Variants in VSIG10L2 observed in about 807,000 individuals in gnomAD.
VSIG10L2 encodes the protein V-set and immunoglobulin domain containing 10 like 2, also known as V-set and immunoglobulin domain-containing protein 10-like 2.
Under a neutral mutation model 67.1 loss-of-function variants are expected in VSIG10L2, and 56 were observed. The observed-to-expected ratio is 0.83, with a 90% CI of 0.67 to 1.04. The LOEUF (loss-of-function observed/expected upper bound fraction) is 1.04, where lower values mean the gene tolerates loss of function less well. Ranked by LOEUF, VSIG10L2 falls within the 50% of genes least tolerant of loss-of-function variation. The probability of loss-of-function intolerance (pLI) is 0.00; values close to 1 mark genes in which losing one functional copy is unlikely to be tolerated. For missense variants in VSIG10L2, 843 were observed against 932.8 expected (o/e 0.90, Z 1.25); for synonymous variants, 360 against 396.6 (o/e 0.91, Z 1.10).
chr11:125,955,509 G>A lies in VSIG10L2; in HGVS notation c.2231+3G>A, dbSNP rs1945451166. On this transcript the variant is annotated splice_donor_region_variant and intron_variant, in intron 10 of 11. Transcript: ENST00000686984. ...CTTGGTCAATTGCTTGTTCCCACGT[G>A]AGTGTGGAACCCCAGTCATCCTGGG... is the stretch of plus-strand genomic sequence containing the variant. 6 of 986,466 alleles carry A rather than the reference G, an allele frequency of 6.1e-6. No homozygotes were observed. The highest frequency in any genetic ancestry group is 4.3e-5 in the South Asian group (3 of 69,506). The allele number at this position is 986,466 out of a possible 1,614,324, so 61.1% of individuals were successfully genotyped here. A position where few individuals can be genotyped will look rare whatever the true frequency, so the allele number is the denominator to read the frequency against.
rs541228786 is a variant in VSIG10L2 at position 125,948,603 on chromosome 11, G to A, written c.709+23G>A. On this transcript the variant is annotated intron_variant, in intron 3 of 11. Coordinates refer to ENST00000686984, the MANE Select transcript of VSIG10L2 (RefSeq NM_001365077.2). ...TTTGTGAGTCAGACTGTGGTGGGGG[G>A]GCTGTCAGGGCTGACACCCATCTCC... 645 of 1,231,956 alleles carry A rather than the reference G, an allele frequency of 5.2e-4. 3 individuals carry two copies. In the African/African-American group the frequency reaches 8.3e-3, roughly 16 times the overall value. The allele number at this position is 1,231,956 out of a possible 1,614,324, so 76.3% of individuals were successfully genotyped here.
intron 8 of VSIG10L2, among the ~76,000 whole-genome samples, 184 bp from the exon 9 acceptor site, chr11:125,954,873 C>G (rs970035171): frequency 3.9e-5 from 6 of 152,190 alleles, no homozygotes; most frequent in East Asian, 1.9e-4. Context: ...ACTAGGCAGA[C>G]AGAGCGCCGC....
intron 3 of VSIG10L2, among the ~76,000 whole-genome samples, chr11:125,949,098 C>T (rs1945331201): frequency 6.6e-6 from 1 of 152,190 alleles, no homozygotes; most frequent in South Asian, 2.1e-4. Context: ...GTGCTGTAGG[C>T]ATGGAAGGCA....
Position 125,955,136 on chromosome 11 carries a change from A to G in VSIG10L2, c.2163A>G (p.Leu721=). The part of the protein sequence containing the change: ...TGMVVATVAS[L]LVFQYAARHP... ...TGGTGGTAGCAACGGTGGCCTCTCT[A>G]CTGGTGTTCCAGTATGCTGCCCGGC... The change falls in exon 9 of 12, where the codon CTA becomes CTG. Residue 721 remains leucine, a synonymous_variant. Transcript: ENST00000686984. 2 of 1,245,888 alleles carry G rather than the reference A, an allele frequency of 1.6e-6. No homozygotes were observed. Among genetic ancestry groups the G allele is most frequent in the East Asian group, 3.1e-5 (1 of 32,176 alleles). The allele number at this position is 1,245,888 out of a possible 1,614,324, so 77.2% of individuals were successfully genotyped here. A position where few individuals can be genotyped will look rare whatever the true frequency, so the allele number is the denominator to read the frequency against.
chr11:125,953,438 G>T lies in VSIG10L2; in HGVS notation c.1534G>T (p.Val512Leu). 8.1e-7 allele frequency: 1 copy of T among 1,232,394 alleles called. No homozygotes were observed. The highest frequency in any genetic ancestry group is 1.0e-6 in the Non-Finnish European group (1 of 988,164). 76.3% of individuals were successfully genotyped at this position (1,232,394 alleles called of 1,614,324 possible). The part of the protein sequence containing the change: ...QLDVAEPRVS[V>L]LEGGEAWLEC... ...GGACGTGGCTGAGCCCCGCGTGTCA[G>T]TGTTGGAGGGGGGAGAGGCCTGGCT... is the stretch of plus-strand genomic sequence containing the variant. The change falls in exon 7 of 12, where the codon GTG (valine) becomes TTG (leucine). Residue 512 changes from valine to leucine, a missense_variant. This residue lies in a region of VSIG10L2 where 397 missense variants were observed against 384.4 expected (regional missense o/e 1.03). Transcript: ENST00000686984.
intron 3 of VSIG10L2, among the ~76,000 whole-genome samples, 159 bp from the exon 4 acceptor site, chr11:125,949,835 ACCCTGGACTGTGCCCATGGC>A (rs1411581124): frequency 1.3e-5 from 2 of 152,046 alleles, no homozygotes; most frequent in Admixed American, 6.6e-5. Context: ...AGCCCTGAGC[ACCCTGGACTGTGCCCATGGC>A]CCCTGGACTC....
rs1409830058 is a variant in VSIG10L2, at chr11:125,950,988, G to A, written c.1064G>A (p.Gly355Glu). The A allele has an allele frequency of 8.1e-7, 1 of 1,232,250 alleles. No homozygotes were observed. The highest frequency in any genetic ancestry group is 1.0e-6 in the Non-Finnish European group (1 of 988,178). The allele number at this position is 1,232,250 out of a possible 1,614,324, so 76.3% of individuals were successfully genotyped here. Reference sequence around the variant, plus strand: ...ACCCTGCTCTGTGCCTGGCCTGGGGGGCTTCCGCCTGCCCAACTGCAGTGG... The same window carrying A: ...ACCCTGCTCTGTGCCTGGCCTGGGGAGCTTCCGCCTGCCCAACTGCAGTGG... ...AVTLLCAWPG[G>E]LPPAQLQWEG... Residue 355 changes from glycine to glutamate, a missense_variant, in exon 5 of 12, where the codon GGG (glycine) becomes GAG (glutamate). Around this residue, in one of 2 missense-constraint regions of VSIG10L2, gnomAD observed 446 missense variants for 548.4 expected, o/e 0.81. Coordinates refer to ENST00000686984, the MANE Select transcript of VSIG10L2 (RefSeq NM_001365077.2).
chr11:125,951,996 A>G lies in VSIG10L2; in HGVS notation c.1418A>G (p.Asp473Gly). Reference protein sequence around the residue: ...MAVHLLQAQEDLAGREFTCRG... With the variant: ...MAVHLLQAQEGLAGREFTCRG... ...GTTCACCTCCTGCAGGCCCAAGAAG[A>G]TCTGGCTGGCAGAGAGTTCACCTGC... The change falls in exon 6 of 12, where the codon GAT becomes GGT. Residue 473 changes from aspartate (D) to glycine (G), a missense_variant. Coordinates refer to ENST00000686984, the MANE Select transcript of VSIG10L2 (RefSeq NM_001365077.2). 6.5e-7 allele frequency: 1 copy of G among 1,535,564 alleles called. No individual in the cohort carries two copies. Among genetic ancestry groups the G allele is most frequent in the Non-Finnish European group, 8.7e-7 (1 of 1,146,430 alleles).
intron 3 of VSIG10L2, among the ~76,000 whole-genome samples, chr11:125,949,204 G>C (rs1467301751): frequency 6.6e-6 from 1 of 152,142 alleles, no homozygotes; most frequent in African/African-American, 2.4e-5. Context: ...GGATATATTT[G>C]GTTAAATAAA....
intron 5 of VSIG10L2, 39 bp from the exon 6 acceptor site, chr11:125,951,774 T>G (rs1945375325): frequency 6.9e-7 from 1 of 1,443,118 alleles, no homozygotes; most frequent in East Asian, 2.5e-5. Context: ...AAGCCCTTCC[T>G]CCTTCCACAG....
rs1945441254 is a variant in VSIG10L2 at position 125,955,115 on chromosome 11, G to A, written c.2142G>A (p.Val714=). 18 of 1,239,782 alleles carry A rather than the reference G, an allele frequency of 1.5e-5. No homozygotes were observed. Among genetic ancestry groups the A allele is most frequent in the Non-Finnish European group, 1.8e-5 (18 of 992,780 alleles). The allele number at this position is 1,239,782 out of a possible 1,614,324, so 76.8% of individuals were successfully genotyped here. Residue 714 remains valine (V), a synonymous_variant, in exon 9 of 12, where the codon GTG becomes GTA. Transcript: ENST00000686984. The stretch of plus-strand genomic sequence containing the variant: ...TGGGTGCAGCAGGCACGGGAATGGT[G>A]GTAGCAACGGTGGCCTCTCTACTGG... The part of the protein sequence containing the change: ...AVLGAAGTGM[V]VATVASLLVF...
rs997875083 is a variant in VSIG10L2 at position 125,954,189 on chromosome 11, C to T, written c.1889C>T (p.Thr630Met). Residue 630 changes from threonine to methionine, a missense_variant, in exon 8 of 12, where the codon ACG (threonine) becomes ATG (methionine). Transcript: ENST00000686984. ...GCCATCTTAGGACCCGGGAACCTGA[C>T]GGGCTTCCTGGTGCAGCGGAAGGCC... Reference protein sequence around the residue: ...QWAILGPGNLTGFLVQRKASA... With the variant: ...QWAILGPGNLMGFLVQRKASA... 8.9e-6 allele frequency: 11 copies of T among 1,232,110 alleles called. No homozygotes were observed. Among genetic ancestry groups the T allele is most frequent in the East Asian group, 6.3e-5 (2 of 31,714 alleles). 76.3% of individuals were successfully genotyped at this position (1,232,110 alleles called of 1,614,324 possible). A position where few individuals can be genotyped will look rare whatever the true frequency, so the allele number is the denominator to read the frequency against.
intron 5 of VSIG10L2, among the ~76,000 whole-genome samples, chr11:125,951,449 C>T (rs944404779): frequency 4.6e-5 from 7 of 152,212 alleles, no homozygotes; most frequent in Non-Finnish European, 1.0e-4. Context: ...GCACTTCTAC[C>T]GCTCTGACGC....
At position 125,955,158 on chromosome 11, in the gene VSIG10L2, C is replaced by A. The variant is rs934615549; in HGVS notation, c.2185C>A (p.Arg729=). 5 of 1,250,420 alleles carry A rather than the reference C, an allele frequency of 4.0e-6. No homozygotes were observed. Among genetic ancestry groups the A allele is most frequent in the Non-Finnish European group, 5.0e-6 (5 of 999,220 alleles). 77.5% of individuals were successfully genotyped at this position (1,250,420 alleles called of 1,614,324 possible). The change falls in exon 9 of 12, where the codon CGG becomes AGG. Residue 729 remains arginine, a synonymous_variant. Transcript: ENST00000686984. ...ASLLVFQYAA[R]HPETFPRLGQ... ...TCTACTGGTGTTCCAGTATGCTGCCCGGCACCCAGAGACTTTCCCCCGTGA... is the reference window on the plus strand; with the variant it reads ...TCTACTGGTGTTCCAGTATGCTGCCAGGCACCCAGAGACTTTCCCCCGTGA...
chr11:125,953,571 G>T lies in VSIG10L2; in HGVS notation c.1667G>T (p.Gly556Val), dbSNP rs1398410273. Residue 556 changes from glycine to valine, a missense_variant, in exon 7 of 12, where the codon GGT becomes GTT. By Grantham distance (109) the Gly-to-Val change is moderately radical. Transcript: ENST00000686984. Reference protein sequence around the residue: ...GTSGFMLHPEGAQLRLGIYDA... With the variant: ...GTSGFMLHPEVAQLRLGIYDA... ...TCAGGATTCATGCTGCACCCTGAGGGTGCCCAGCTGCGCCTGGGCATCTAC... is the reference window on the plus strand; with the variant it reads ...TCAGGATTCATGCTGCACCCTGAGGTTGCCCAGCTGCGCCTGGGCATCTAC... 1 of 1,232,072 alleles carries T rather than the reference G, an allele frequency of 8.1e-7. No homozygotes were observed. Among genetic ancestry groups the T allele is most frequent in the African/African-American group, 1.6e-5 (1 of 64,418 alleles). 76.3% of individuals were successfully genotyped at this position (1,232,072 alleles called of 1,614,324 possible).
intron 7 of VSIG10L2, among the ~76,000 whole-genome samples, 183 bp from the exon 8 acceptor site, chr11:125,953,904 C>G (rs115066840): frequency 6.6e-6 from 1 of 152,194 alleles, no homozygotes; most frequent in Non-Finnish European, 1.5e-5. Flanking sequence ...CAGGCAGGAT[C>G]GCCTTTCATT....
intron 8 of VSIG10L2, 51 bp downstream of exon 8, chr11:125,954,434 C>T (rs1945422695): frequency 8.2e-7 from 1 of 1,224,410 alleles, no homozygotes; most frequent in Non-Finnish European, 1.0e-6. Context: ...AGCGCTGGCC[C>T]CTGGTTCATC....
In VSIG10L2 at chr11:125,950,256, C is replaced by A. The variant is rs962844635; in HGVS notation, c.952C>A (p.Arg318Ser). ...CLARNSYLDT[R>S]TQTTVQLTIY... is the part of the protein sequence containing the mutation. The stretch of plus-strand genomic sequence containing the variant: ...GGCCCGCAACAGCTACCTGGACACC[C>A]GCACCCAGACTACTGTCCAGCTCAC... The change falls in exon 4 of 12, where the codon CGC becomes AGC. Residue 318 changes from arginine (R) to serine (S), a missense_variant. Arg to Ser is a moderately radical substitution (Grantham distance 110, BLOSUM62 -1). Around this residue, in one of 2 missense-constraint regions of VSIG10L2, gnomAD observed 446 missense variants for 548.4 expected, o/e 0.81. Coordinates refer to ENST00000686984, the MANE Select transcript of VSIG10L2 (RefSeq NM_001365077.2). 10 of 1,232,356 alleles carry A rather than the reference C, an allele frequency of 8.1e-6. No homozygotes were observed. The highest frequency in any genetic ancestry group is 1.0e-5 in the Non-Finnish European group (10 of 988,226). 76.3% of individuals were successfully genotyped at this position (1,232,356 alleles called of 1,614,324 possible). A position where few individuals can be genotyped will look rare whatever the true frequency, so the allele number is the denominator to read the frequency against.
chr11:125,949,277 T>C (rs1475373043), intron 3 of VSIG10L2, among the ~76,000 whole-genome samples: 1 of 134,188 alleles, frequency 7.5e-6, no homozygotes, highest in Non-Finnish European at 1.6e-5. Flanking sequence ...TGATCGGGTT[T>C]GGTCATTTTT....
Sources: gnomAD v4.1 joint callset for allele counts (sites outside exome capture counted in the v4.1 genomes callset) on GRCh38, gnomAD v4.1.1 for gene constraint, gnomAD v4.1.1 regional missense constraint, MANE v1.5 for transcripts, NCBI Gene and HGNC (gene_info 2026-07-23, HGNC 2026-07-21) for gene names.